Variants in C11orf97 observed in about 807,000 individuals in gnomAD.
C11orf97 encodes the protein uncharacterized protein C11orf97.
A neutral mutation model predicts 16.2 loss-of-function variants in C11orf97; 15 were observed. The ratio of observed to expected loss-of-function variants is 0.93; its 90% confidence interval spans 0.62 to 1.43. The LOEUF (loss-of-function observed/expected upper bound fraction) is 1.43, where lower values mean the gene tolerates loss of function less well. Ranked by LOEUF, C11orf97 falls within the 40% of genes most tolerant of loss-of-function variation. The probability of loss-of-function intolerance (pLI) is 0.00; values close to 1 mark genes in which losing one functional copy is unlikely to be tolerated. For synonymous variants in C11orf97, 61 were observed against 65.7 expected, an observed-to-expected ratio of 0.93 and a Z score of 0.34; for missense variants, 171 against 161.2, an observed-to-expected ratio of 1.06 and a Z score of -0.33.
intron 2 of C11orf97, among the ~76,000 whole-genome samples, chr11:94,521,189 T>C (rs1443056947): frequency 1.3e-5 from 2 of 152,240 alleles, no homozygotes; most frequent in Non-Finnish European, 2.9e-5. Flanking sequence ...CACCTTCTAA[T>C]CCCTATACTG....
intron 2 of C11orf97, among the ~76,000 whole-genome samples, chr11:94,518,231 CAT>C (rs1947629307): frequency 1.3e-5 from 2 of 150,440 alleles, no homozygotes; most frequent in Middle Eastern, 3.4e-3. Flanking sequence ...TATTTAATGA[CAT>C]GTACCATTTT....
intron 1 of C11orf97, among the ~76,000 whole-genome samples, chr11:94,515,962 G>C (rs612632): frequency 6.6e-6 from 1 of 151,658 alleles, no homozygotes; most frequent in Non-Finnish European, 1.5e-5. Flanking sequence ...TCCTAGCCAA[G>C]TTTGTGAACC....
chr11:94,523,795 T>C (rs1020702325), intron 2 of C11orf97, among the ~76,000 whole-genome samples: 4 of 152,350 alleles, frequency 2.6e-5, no homozygotes, highest in Middle Eastern at 3.4e-3. Flanking sequence ...GGCTCTTATC[T>C]GAATGAACTG....
intron 3 of C11orf97, 125 bp from the exon 4 acceptor site, chr11:94,531,771 G>A (rs1459656067): frequency 1.4e-6 from 1 of 694,432 alleles, no homozygotes. Context: ...TGACATGGGT[G>A]TGGCTCTTAC....
At chr11:94,526,612 A>C (rs1049899065) in intron 2 of C11orf97, among the ~76,000 whole-genome samples, 2 of 152,150 alleles carry the variant, frequency 1.3e-5, no homozygotes, top group African/African-American at 4.8e-5. Context: ...GGTATCATGC[A>C]CTGGGGGTAT....
At chr11:94,518,124 G>A (rs1947625903) in intron 2 of C11orf97, among the ~76,000 whole-genome samples, 1 of 140,710 alleles carries the variant, frequency 7.1e-6, no homozygotes, top group African/African-American at 2.7e-5. Context: ...CCCCAGCCTG[G>A]GTGACAGAGC....
chr11:94,521,439 G>T (rs1193620981), intron 2 of C11orf97, among the ~76,000 whole-genome samples: 2 of 152,238 alleles, frequency 1.3e-5, no homozygotes, highest in African/African-American at 4.8e-5. Flanking sequence ...CCATTCTAAT[G>T]TAAGTGTTCT....
At chr11:94,522,752 C>A (rs1334032791) in intron 2 of C11orf97, among the ~76,000 whole-genome samples, 1 of 152,114 alleles carries the variant, frequency 6.6e-6, no homozygotes, top group African/African-American at 2.4e-5. Context: ...GACCCATATG[C>A]CAGGTTCACC....
intron 3 of C11orf97, among the ~76,000 whole-genome samples, chr11:94,528,901 G>A (rs1432885229): frequency 6.6e-6 from 1 of 152,134 alleles, no homozygotes; most frequent in Non-Finnish European, 1.5e-5. Flanking sequence ...GGGAGAAGTA[G>A]ATAAAATTCA....
intron 3 of C11orf97, among the ~76,000 whole-genome samples, chr11:94,528,859 A>C (rs1947718433): frequency 1.3e-5 from 2 of 152,124 alleles, no homozygotes; most frequent in African/African-American, 4.8e-5. Context: ...CTCAAAATAG[A>C]CCTACAATTG....
At chr11:94,522,505 C>T (rs117906588) in intron 2 of C11orf97, among the ~76,000 whole-genome samples, 5 of 152,156 alleles carry the variant, frequency 3.3e-5, no homozygotes, top group East Asian at 1.9e-4. Context: ...CATTGCACTC[C>T]GGCCTGGGCA....
chr11:94,517,337 C>A (rs1191525974), intron 1 of C11orf97, among the ~76,000 whole-genome samples: 1 of 152,158 alleles, frequency 6.6e-6, no homozygotes, highest in Non-Finnish European at 1.5e-5. Context: ...TTCTTCATAA[C>A]ACCTAAAAGA....
intron 2 of C11orf97, among the ~76,000 whole-genome samples, chr11:94,521,223 A>C (rs548188779): frequency 5.3e-5 from 8 of 152,140 alleles, no homozygotes; most frequent in Non-Finnish European, 1.0e-4. Context: ...CCTGTTTTCT[A>C]TTGCTACCTG....
chr11:94,519,255 C>T (rs1193884304), intron 2 of C11orf97, among the ~76,000 whole-genome samples: 1 of 152,098 alleles, frequency 6.6e-6, no homozygotes, highest in East Asian at 1.9e-4. Context: ...TGGGTCTTCT[C>T]GTATGACCCA....
chr11:94,517,643 G>A lies in C11orf97; in HGVS notation c.206G>A (p.Arg69His), dbSNP rs758305525. ...ATTAAGGAAGTACTGGAAGAAGAACGTCATATTAAGAGAGATGAATGCCAC... is the reference window on the plus strand; with the variant it reads ...ATTAAGGAAGTACTGGAAGAAGAACATCATATTAAGAGAGATGAATGCCAC... ...KRIKEVLEEE[R>H]HIKRDECHIK... The change falls in exon 2 of 4, where the codon CGT becomes CAT. Residue 69 changes from arginine (R) to histidine (H), a missense_variant. Arg to His is a conservative substitution (Grantham distance 29, BLOSUM62 0). Coordinates refer to ENST00000542198, the MANE Select transcript of C11orf97 (RefSeq NM_001190462.2). 154 of 1,532,814 alleles carry A rather than the reference G, an allele frequency of 1.0e-4. No homozygotes were observed. Among genetic ancestry groups the A allele is most frequent in the African/African-American group, 1.8e-4 (13 of 73,040 alleles). 95.0% of individuals were successfully genotyped at this position (1,532,814 alleles called of 1,614,324 possible).
chr11:94,529,989 T>G (rs1947726372), intron 3 of C11orf97, among the ~76,000 whole-genome samples: 1 of 152,230 alleles, frequency 6.6e-6, no homozygotes, highest in Admixed American at 6.5e-5. Context: ...CTAAGTAATT[T>G]GTTTTAAAGA....
chr11:94,512,610 G>T lies in C11orf97; in HGVS notation c.82G>T (p.Ala28Ser). 1 of 1,276,128 alleles carries T rather than the reference G, an allele frequency of 7.8e-7. No homozygotes were observed. Among genetic ancestry groups the T allele is most frequent in the East Asian group, 3.1e-5 (1 of 31,978 alleles). The allele number at this position is 1,276,128 out of a possible 1,614,324, so 79.1% of individuals were successfully genotyped here. ...GREEEQPPPP[A>S]GLGCGARGEP... Reference sequence around the variant, plus strand: ...CGAAGAGGAGCAGCCTCCTCCGCCAGCAGGGCTGGGGTGCGGGGCGCGCGG... The same window carrying T: ...CGAAGAGGAGCAGCCTCCTCCGCCATCAGGGCTGGGGTGCGGGGCGCGCGG... The change falls in exon 1 of 4, where the codon GCA (alanine) becomes TCA (serine). Residue 28 changes from alanine (A) to serine (S), a missense_variant. By Grantham distance (99) the Ala-to-Ser change is moderately conservative. Coordinates refer to ENST00000542198, the MANE Select transcript of C11orf97 (RefSeq NM_001190462.2).
At chr11:94,518,253 C>T (rs186376148) in intron 2 of C11orf97, among the ~76,000 whole-genome samples, 1 of 151,234 alleles carries the variant, frequency 6.6e-6, no homozygotes, top group South Asian at 2.1e-4. Context: ...TTTCCAAGTG[C>T]CTGAAAAACA....
rs1218959866 is a variant in C11orf97 at position 94,528,209 on chromosome 11, A to G, written c.376A>G (p.Arg126Gly). Residue 126 changes from arginine (R) to glycine (G), a missense_variant and splice_region_variant, in exon 3 of 4, where the codon AGA (arginine) becomes GGA (glycine). By Grantham distance (125) the Arg-to-Gly change is moderately radical. Coordinates refer to ENST00000542198, the MANE Select transcript of C11orf97 (RefSeq NM_001190462.2). Reference protein sequence around the residue: ...KYYSRHGGLRR With the variant: ...KYYSRHGGLRG ...CTACTCCAGGCACGGAGGACTCAGAAGTAAGACCCTGATGCCCTTGACTTC... is the reference window on the plus strand; with the variant it reads ...CTACTCCAGGCACGGAGGACTCAGAGGTAAGACCCTGATGCCCTTGACTTC... 2 of 1,532,186 alleles carry G rather than the reference A, an allele frequency of 1.3e-6. No individual in the cohort carries two copies. Among genetic ancestry groups the G allele is most frequent in the Admixed American group, 2.0e-5 (1 of 49,782 alleles). The allele number at this position is 1,532,186 out of a possible 1,614,324, so 94.9% of individuals were successfully genotyped here.
Sources: allele counts gnomAD v4.1 joint callset (sites outside exome capture counted in the v4.1 genomes callset), GRCh38; gene constraint gnomAD v4.1.1; transcripts MANE v1.5; gene names NCBI Gene and HGNC (gene_info 2026-07-23, HGNC 2026-07-21).